The following HHLA2 variants were observed in gnomAD, a reference collection of about 807,000 sequenced individuals.
HHLA2 encodes HERV-H LTR-associating protein 2.
In HHLA2, 48 loss-of-function variants were observed where a neutral mutation model predicts 45.9. The ratio of observed to expected loss-of-function variants is 1.05; its 90% confidence interval spans 0.83 to 1.33. The LOEUF is 1.33. Among genes scored for constraint, HHLA2 ranks in the 40% most tolerant of loss-of-function variants. HHLA2 has a pLI of 0.00. For synonymous variants in HHLA2, 161 were observed against 173.9 expected, an observed-to-expected ratio of 0.93 and a Z score of 0.59; for missense variants, 462 against 494.3, an observed-to-expected ratio of 0.93 and a Z score of 0.62.
At chr3:108,314,285 GAGCACTTAATCTTGTC>G (rs2081067293) in intron 2 of HHLA2, among the ~76,000 whole-genome samples, 1 of 150,724 alleles carries the variant, frequency 6.6e-6, no homozygotes, top group African/African-American at 2.4e-5. Context: ...ATATTCTTGT[GAGCACTTAATCTTGTC>G]AGCAGGAGCA....
At chr3:108,344,899 A>T (rs1161299669) in intron 3 of HHLA2, among the ~76,000 whole-genome samples, 1 of 152,142 alleles carries the variant, frequency 6.6e-6, no homozygotes, top group Non-Finnish European at 1.5e-5. Flanking sequence ...TATATTATCT[A>T]CCCATTTGAC....
exon 6 of HHLA2, chr3:108,355,358 G>C (rs2081870130): frequency 3.1e-6 from 5 of 1,613,766 alleles, no homozygotes; most frequent in Non-Finnish European, 3.4e-6. Flanking sequence ...AAGCAAACAT[G>C]GACAGGGCGC....
chr3:108,338,037 T>C (rs752376237), intron 3 of HHLA2, among the ~76,000 whole-genome samples: 1 of 151,976 alleles, frequency 6.6e-6, no homozygotes, highest in Non-Finnish European at 1.5e-5. Context: ...TTCTCAGAAC[T>C]GAATATAAAA....
chr3:108,322,466 T>C (rs1444473565), intron 2 of HHLA2, among the ~76,000 whole-genome samples: 1 of 152,192 alleles, frequency 6.6e-6, no homozygotes, highest in Non-Finnish European at 1.5e-5. Flanking sequence ...TTTTTATCTT[T>C]GACTGCTGAG....
intron 4 of HHLA2, among the ~76,000 whole-genome samples, chr3:108,352,889 C>T (rs1000703264): frequency 2.0e-5 from 3 of 152,172 alleles, no homozygotes; most frequent in Non-Finnish European, 4.4e-5. Context: ...TCCTCCTGCT[C>T]ATGTCCTTCC....
At chr3:108,340,902 TTTTTTTTTCCTTCC>T (rs2081556517) in intron 3 of HHLA2, among the ~76,000 whole-genome samples, 9 of 24,240 alleles carry the variant, frequency 3.7e-4, no homozygotes, top group Admixed American at 1.0e-3. Context: ...TTTCTTTTTT[TTTTTTTTTCCTTCC>T]TTCCTTCCTT....
chr3:108,312,136 T>A (rs2081029583), intron 2 of HHLA2, among the ~76,000 whole-genome samples: 2 of 147,622 alleles, frequency 1.4e-5, no homozygotes, highest in African/African-American at 5.0e-5. Flanking sequence ...CTCTTCTGCA[T>A]CCTCTTAGTG....
intron 2 of HHLA2, chr3:108,328,237 T>TA: frequency 2.8e-6 from 3 of 1,086,534 alleles, no homozygotes; most frequent in Non-Finnish European, 3.8e-6. Context: ...ATTGATACTC[T>TA]GGAATCACCT....
rs982700083 is a variant in HHLA2, at chr3:108,365,990, T to C, written c.1108+3544T>C. Among the ~76,000 whole-genome samples the C allele has an allele frequency of 2.6e-5, 4 of 152,348 alleles. No homozygotes were observed. The South Asian group carries it at 8.3e-4, about 32-fold the overall frequency. On this transcript the variant is annotated intron_variant, in intron 8 of 10. Transcript: ENST00000619531. ...TACTCTATTTATGTCTCTTGCCTGA[T>C]TGCCCTGGCCAAAACTTCCAATACT... is the stretch of plus-strand genomic sequence containing the variant.
chr3:108,353,590 A>G (rs2081826718), exon 5 of HHLA2: 1 of 1,613,792 alleles, frequency 6.2e-7, no homozygotes, highest in African/African-American at 1.3e-5. Flanking sequence ...GTTACTACAA[A>G]GGCAGTGACC....
rs2081316852 is a variant in HHLA2 at position 108,328,000 on chromosome 3, A to G, written c.-104-270A>G. Among the ~76,000 whole-genome samples the G allele has an allele frequency of 6.6e-5, 10 of 152,098 alleles. No individual in the cohort carries two copies. The South Asian group carries it at 2.1e-3, about 32-fold the overall frequency. ...ATACAAAAATTAGCAGGGTCTGGTG[A>G]TGGGTGTCTGTAGTCCCAGCTACTT... On this transcript the variant is annotated intron_variant, in intron 2 of 10. Coordinates refer to ENST00000619531, the Ensembl canonical transcript of HHLA2.
chr3:108,333,554 T>C (rs2081421045), intron 3 of HHLA2, among the ~76,000 whole-genome samples: 1 of 143,828 alleles, frequency 7.0e-6, no homozygotes, highest in African/African-American at 2.6e-5. Flanking sequence ...CAACCCTATG[T>C]GGTCCAACCC....
intron 5 of HHLA2, among the ~76,000 whole-genome samples, chr3:108,354,596 T>A (rs1011379837): frequency 1.3e-5 from 2 of 152,036 alleles, no homozygotes; most frequent in Non-Finnish European, 2.9e-5. Flanking sequence ...CAATCTTACA[T>A]ATAGATATAT....
chr3:108,309,339 G>A (rs969516992), intron 1 of HHLA2, among the ~76,000 whole-genome samples: 2 of 149,760 alleles, frequency 1.3e-5, no homozygotes, highest in African/African-American at 4.9e-5. Context: ...ATTTTTTTCT[G>A]GGTTTTCTAT....
chr3:108,336,643 T>C (rs2081476400), intron 3 of HHLA2, among the ~76,000 whole-genome samples: 2 of 152,258 alleles, frequency 1.3e-5, no homozygotes, highest in South Asian at 4.1e-4. Context: ...GCAATACTGC[T>C]GTACAACTAG....
intron 8 of HHLA2, among the ~76,000 whole-genome samples, chr3:108,372,349 C>T (rs2082192713): frequency 6.6e-6 from 1 of 151,054 alleles, no homozygotes; most frequent in African/African-American, 2.4e-5. Flanking sequence ...AAATTTATAG[C>T]ACTAAATGCC....
chr3:108,354,819 G>A (rs1011389859), intron 5 of HHLA2, among the ~76,000 whole-genome samples: 4 of 152,012 alleles, frequency 2.6e-5, no homozygotes, highest in Non-Finnish European at 5.9e-5. Flanking sequence ...CCTCATTTTG[G>A]TTTTTCAATG....
At chr3:108,301,460 TAG>T (rs1287310027) in intron 1 of HHLA2, among the ~76,000 whole-genome samples, 1 of 152,178 alleles carries the variant, frequency 6.6e-6, no homozygotes, top group Admixed American at 6.5e-5. Flanking sequence ...GCATTTCTTC[TAG>T]AGTTATCTTC....
intron 8 of HHLA2, among the ~76,000 whole-genome samples, chr3:108,370,057 C>A (rs556025641): frequency 3.9e-4 from 60 of 152,308 alleles, no homozygotes; most frequent in Admixed American, 1.0e-3. Flanking sequence ...CTGGGGGGAA[C>A]CCCCAGTAGG....
Sources: allele counts gnomAD v4.1 joint callset (sites outside exome capture counted in the v4.1 genomes callset), GRCh38; gene constraint gnomAD v4.1.1; transcripts MANE v1.5; gene names NCBI Gene and HGNC (gene_info 2026-07-23, HGNC 2026-07-21).